POM121C: variants seen among roughly 807,000 people sequenced by gnomAD.
POM121C encodes the protein POM121 transmembrane nucleoporin C.
Under a neutral mutation model 66.4 loss-of-function variants are expected in POM121C, and 20 were observed. The observed-to-expected ratio is 0.30, with a 90% CI of 0.21 to 0.44. The LOEUF is 0.44. POM121C is among the 20% of genes least tolerant of loss of function. The probability of loss-of-function intolerance (pLI) is 1.00; values close to 1 mark genes in which losing one functional copy is unlikely to be tolerated. For synonymous variants in POM121C, 286 were observed against 528.0 expected, an observed-to-expected ratio of 0.54 and a Z score of 6.28; for missense variants, 580 against 1,225.7, an observed-to-expected ratio of 0.47 and a Z score of 7.87.
intron 1 of POM121C, among the ~76,000 whole-genome samples, chr7:75,475,886 A>C (rs1471252898): frequency 1.3e-5 from 2 of 152,206 alleles, no homozygotes; most frequent in Non-Finnish European, 2.9e-5. Context: ...AGTTAACTTG[A>C]AGTCCTTAAA....
intron 7 of POM121C, among the ~76,000 whole-genome samples, chr7:75,431,210 A>G (rs1312271242): frequency 6.6e-6 from 1 of 152,160 alleles, no homozygotes; most frequent in East Asian, 1.9e-4. Flanking sequence ...ACAATGAAAT[A>G]TTACTTCACA....
Position 75,418,404 on chromosome 7 carries a change from C to T in POM121C, c.*392G>A. 2.0e-6 allele frequency: 2 copies of T among 1,013,368 alleles called. No homozygotes were observed. The highest frequency in any genetic ancestry group is 2.4e-6 in the Non-Finnish European group (2 of 848,202). The allele number at this position is 1,013,368 out of a possible 1,614,324, so 62.8% of individuals were successfully genotyped here. On this transcript the variant is annotated 3_prime_UTR_variant, in exon 15 of 15. Transcript: ENST00000615331. ...CATTTCCCAAATCCCATCAGGTGCACACCACCGATCCAGGCGGGCTGGACC... is the reference window on the plus strand; with the variant it reads ...CATTTCCCAAATCCCATCAGGTGCATACCACCGATCCAGGCGGGCTGGACC...
At chr7:75,455,054 T>C (rs1554476155) in intron 3 of POM121C, among the ~76,000 whole-genome samples, 1 of 152,198 alleles carries the variant, frequency 6.6e-6, no homozygotes, top group African/African-American at 2.4e-5. Context: ...ATGTATGATA[T>C]CAGACTAAAT....
intron 3 of POM121C, chr7:75,442,607 C>G: frequency 6.7e-7 from 1 of 1,490,808 alleles, no homozygotes; most frequent in Non-Finnish European, 8.9e-7. Context: ...CAGCGACAGG[C>G]CGAGAAGCGC....
chr7:75,434,404 A>G (rs1367992622), intron 7 of POM121C, among the ~76,000 whole-genome samples: 2 of 150,942 alleles, frequency 1.3e-5, no homozygotes, highest in Admixed American at 6.6e-5. Context: ...CCTCCTAAGT[A>G]GCTGGGATTA....
intron 3 of POM121C, among the ~76,000 whole-genome samples, chr7:75,455,313 T>G (rs1417610347): frequency 2.0e-5 from 3 of 152,276 alleles, no homozygotes; most frequent in Non-Finnish European, 4.4e-5. Flanking sequence ...GATCTTTTTT[T>G]GAGATGGAGT....
At chr7:75,444,455 G>T (rs1790769388) in intron 3 of POM121C, among the ~76,000 whole-genome samples, 1 of 148,978 alleles carries the variant, frequency 6.7e-6, no homozygotes, top group African/African-American at 2.4e-5. Flanking sequence ...GGTCAGTAGG[G>T]GCTCTTTGAA....
At chr7:75,419,464 G>A in intron 13 of POM121C, 22 bp from the exon 14 acceptor site, 1 of 1,612,342 alleles carries the variant, frequency 6.2e-7, no homozygotes, top group Non-Finnish European at 8.5e-7. Context: ...AGAACAGAGA[G>A]CTAGCCAGTG....
intron 1 of POM121C, among the ~76,000 whole-genome samples, chr7:75,478,706 T>A: frequency 7.2e-6 from 1 of 138,112 alleles, no homozygotes; most frequent in Non-Finnish European, 1.6e-5. Flanking sequence ...GCAACAGAAG[T>A]TACATAAAAT....
chr7:75,437,887 A>G (rs1208401329), intron 6 of POM121C, among the ~76,000 whole-genome samples: 5 of 152,248 alleles, frequency 3.3e-5, no homozygotes, highest in African/African-American at 1.2e-4. Flanking sequence ...TATGATTTAT[A>G]GAATATTCTG....
chr7:75,479,423 C>T (rs1373655409), intron 1 of POM121C, among the ~76,000 whole-genome samples: 4 of 151,800 alleles, frequency 2.6e-5, no homozygotes. Context: ...CGAGACCAGC[C>T]TGGCCAACAT....
intron 3 of POM121C, among the ~76,000 whole-genome samples, chr7:75,462,665 G>C (rs1389579240): frequency 1.3e-5 from 2 of 151,994 alleles, no homozygotes; most frequent in Admixed American, 6.6e-5. Flanking sequence ...CTGATACAGG[G>C]CAGCTGCCTT....
In POM121C at chr7:75,486,174, G is replaced by A. The variant is rs1359883769; in HGVS notation, c.-768C>T. The A allele has an allele frequency of 6.4e-6, 2 of 314,054 alleles. No individual in the cohort carries two copies. The highest frequency in any genetic ancestry group is 1.2e-5 in the Non-Finnish European group (2 of 162,300). 19.5% of individuals were successfully genotyped at this position (314,054 alleles called of 1,614,324 possible). ...ACCCTGGGCCGCACAGCTCCCGCCC[G>A]CCTAGGTGCTGGTCCGGGCGGTCAG... is the stretch of plus-strand genomic sequence containing the variant. On this transcript the variant is annotated 5_prime_UTR_variant, in exon 1 of 15. Transcript: ENST00000615331.
chr7:75,428,122 C>T (rs1472199152), intron 7 of POM121C, among the ~76,000 whole-genome samples: 9 of 152,066 alleles, frequency 5.9e-5, no homozygotes, highest in South Asian at 2.1e-4. Context: ...TCTCACACGA[C>T]GGCTCATCAG....
In POM121C at chr7:75,418,461, A is replaced by G; in HGVS notation, c.*335T>C. ...CCTCCAGCGACGACGGCTCTCGGGG[A>G]AAGGTGGAAGGGGCGCCTGCCTAAG... On this transcript the variant is annotated 3_prime_UTR_variant, in exon 15 of 15. Coordinates refer to ENST00000615331, the MANE Select transcript of POM121C (RefSeq NM_001099415.3). 8.5e-6 allele frequency: 9 copies of G among 1,059,822 alleles called. No individual in the cohort carries two copies. The highest frequency in any genetic ancestry group is 1.0e-5 in the Non-Finnish European group (9 of 878,424). 65.7% of individuals were successfully genotyped at this position (1,059,822 alleles called of 1,614,324 possible). A position where few individuals can be genotyped will look rare whatever the true frequency, so the allele number is the denominator to read the frequency against.
At chr7:75,429,378 T>G (rs1272028708) in intron 7 of POM121C, among the ~76,000 whole-genome samples, 1 of 152,210 alleles carries the variant, frequency 6.6e-6, no homozygotes, top group Non-Finnish European at 1.5e-5. Flanking sequence ...ATGCCTATAA[T>G]CCCAGCACTC....
chr7:75,440,135 C>T (rs1402005312), intron 5 of POM121C, among the ~76,000 whole-genome samples: 1 of 151,952 alleles, frequency 6.6e-6, no homozygotes, highest in Non-Finnish European at 1.5e-5. Flanking sequence ...CCCGCCTCGG[C>T]CTCTCAAGGT....
chr7:75,485,746 C>A (rs1177097344), intron 1 of POM121C, 118 bp downstream of exon 1: 7 of 398,794 alleles, frequency 1.8e-5, no homozygotes, highest in African/African-American at 1.5e-4. Context: ...TCAAACCCAA[C>A]ACATGTCTCT....
At chr7:75,482,923 C>A (rs587631463) in intron 1 of POM121C, among the ~76,000 whole-genome samples, 17 of 152,234 alleles carry the variant, frequency 1.1e-4, no homozygotes, top group African/African-American at 2.2e-4. Context: ...ACTGACTTAG[C>A]AAAGTGAAAA....
Sources: gnomAD v4.1 joint callset for allele counts (sites outside exome capture counted in the v4.1 genomes callset) on GRCh38, gnomAD v4.1.1 for gene constraint, MANE v1.5 for transcripts, NCBI Gene and HGNC (gene_info 2026-07-23, HGNC 2026-07-21) for gene names.